The following EML6 variants were observed in gnomAD, a reference collection of about 807,000 sequenced individuals.
EML6 encodes the protein EMAP like 6.
Under a neutral mutation model 240.1 loss-of-function variants are expected in EML6, and 154 were observed. That is an observed-to-expected ratio of 0.64 (90% CI 0.56 to 0.73). The LOEUF (loss-of-function observed/expected upper bound fraction) is 0.73, where lower values mean the gene tolerates loss of function less well. EML6 is among the 30% of genes least tolerant of loss of function. EML6 has a pLI of 0.00. For synonymous variants in EML6, 1,148 were observed against 899.0 expected (o/e 1.28, Z -4.95); for missense variants, 2,964 against 2,474.6 (o/e 1.20, Z -4.20).
At chr2:54,885,220 G>A (rs976254941) in intron 17 of EML6, among the ~76,000 whole-genome samples, 6 of 151,990 alleles carry the variant, frequency 3.9e-5, no homozygotes, top group Non-Finnish European at 4.4e-5. Flanking sequence ...TGAGGCGGGC[G>A]GATCACCTCA....
chr2:54,783,115 A>G (rs538983503), intron 2 of EML6, among the ~76,000 whole-genome samples: 230 of 152,362 alleles, frequency 1.5e-3, no homozygotes, highest in Middle Eastern at 0.014. Flanking sequence ...ATCAGTAAAT[A>G]ATAACTAATA....
rs149545041 is a variant in EML6, at chr2:54,914,419, A to G, written c.3499-2340A>G. ...TTTAGTGCCCCCAAATAAGTATACT[A>G]AAATGAAATGTAATTTAACCAAATG... On this transcript the variant is annotated intron_variant, in intron 25 of 41. Transcript: ENST00000356458. Among the ~76,000 whole-genome samples the G allele has an allele frequency of 7.1e-3, 1,080 of 152,334 alleles. 6 individuals are homozygous for G. Among genetic ancestry groups the G allele is most frequent in the Non-Finnish European group, 0.012 (807 of 68,026 alleles).
rs923366564 is a variant in EML6, at chr2:54,768,819, G to GT, written c.197+43571dup. On this transcript the variant is annotated intron_variant, in intron 2 of 41. Coordinates refer to ENST00000356458, the MANE Select transcript of EML6 (RefSeq NM_001039753.4). ...AATATATATAAATTTTCTACTCAAA[G>GT]TTTTTTTTTTAGAAAATAAATGGGA... Among the ~76,000 whole-genome samples the GT allele has an allele frequency of 2.8e-4, 41 of 147,878 alleles. 1 individual carries two copies. The highest frequency in any genetic ancestry group is 6.7e-4 in the Admixed American group (10 of 14,856).
intron 35 of EML6, among the ~76,000 whole-genome samples, chr2:54,961,184 G>GTTGTTGTTTTTTTTTTTTTTTTTTT: frequency 1.3e-4 from 7 of 55,422 alleles, no homozygotes; most frequent in African/African-American, 2.4e-4. Flanking sequence ...TCAGGAAGTA[G>GTTGTTGTTTTTTTTTTTTTTTTTTT]TTTTTTTTTT....
At chr2:54,957,668 G>T in intron 32 of EML6, 122 bp from the exon 33 acceptor site, 1 of 812,622 alleles carries the variant, frequency 1.2e-6, no homozygotes, top group Non-Finnish European at 2.0e-6. Context: ...GGGAGAGAGT[G>T]CTGTAAAGAA....
chr2:54,762,596 T>C (rs1668025342), intron 2 of EML6, among the ~76,000 whole-genome samples: 1 of 152,188 alleles, frequency 6.6e-6, no homozygotes, highest in Non-Finnish European at 1.5e-5. Context: ...CTTCCATATT[T>C]ATTAGTTGAC....
At chr2:54,886,127 C>T (rs1033452931) in intron 17 of EML6, among the ~76,000 whole-genome samples, 4 of 149,486 alleles carry the variant, frequency 2.7e-5, no homozygotes, top group Non-Finnish European at 4.4e-5. Flanking sequence ...CTACACATTG[C>T]ACAAATGTTT....
intron 2 of EML6, among the ~76,000 whole-genome samples, chr2:54,806,183 G>A (rs113610181): frequency 1.6e-3 from 241 of 151,840 alleles, no homozygotes; most frequent in Middle Eastern, 0.014. Context: ...TTCTCCTTAG[G>A]GAGGCATCTT....
At chr2:54,832,170 G>A (rs1022896221) in intron 7 of EML6, among the ~76,000 whole-genome samples, 2 of 152,136 alleles carry the variant, frequency 1.3e-5, no homozygotes, top group Non-Finnish European at 2.9e-5. Context: ...AAGAAGAAAG[G>A]CTCCTGGTTT....
chr2:54,887,118 C>A (rs1164920027), intron 17 of EML6, among the ~76,000 whole-genome samples: 1 of 152,178 alleles, frequency 6.6e-6, no homozygotes, highest in East Asian at 1.9e-4. Flanking sequence ...CACTACTGCC[C>A]AGAACATCTA....
intron 2 of EML6, among the ~76,000 whole-genome samples, chr2:54,804,653 CTTTGTA>C (rs1282559845): frequency 2.6e-5 from 4 of 152,160 alleles, no homozygotes; most frequent in East Asian, 1.9e-4. Flanking sequence ...TTGTTTTAAT[CTTTGTA>C]TTTGTATCAG....
chr2:54,794,729 C>G (rs1288215261), intron 2 of EML6, among the ~76,000 whole-genome samples: 2 of 152,168 alleles, frequency 1.3e-5, no homozygotes, highest in Non-Finnish European at 2.9e-5. Flanking sequence ...TAAAAAGGTC[C>G]TAAGCATTCT....
At chr2:54,886,814 T>C (rs761822034) in intron 17 of EML6, among the ~76,000 whole-genome samples, 10 of 152,228 alleles carry the variant, frequency 6.6e-5, no homozygotes, top group African/African-American at 1.4e-4. Flanking sequence ...TTATCAGATA[T>C]ATGATTTGCA....
chr2:54,725,295 G>T lies in EML6; in HGVS notation c.197+37G>T. On this transcript the variant is annotated intron_variant, in intron 2 of 41. Coordinates refer to ENST00000356458, the MANE Select transcript of EML6 (RefSeq NM_001039753.4). This position sits in a 1 kb window ranked among gnomAD's most constrained non-coding sequence, Gnocchi z 4.3. ...GCCAGGGGCGGCGGGGAGGGGTTGC[G>T]TGTGGAGGCTGGGAAGGTGGGAAGC... The T allele has an allele frequency of 7.3e-7, 1 of 1,375,426 alleles. No individual in the cohort carries two copies. The highest frequency in any genetic ancestry group is 9.6e-7 in the Non-Finnish European group (1 of 1,047,004). The allele number at this position is 1,375,426 out of a possible 1,614,324, so 85.2% of individuals were successfully genotyped here.
chr2:54,741,906 G>A (rs1304722422), intron 2 of EML6, among the ~76,000 whole-genome samples: 1 of 152,152 alleles, frequency 6.6e-6, no homozygotes, highest in Admixed American at 6.5e-5. Context: ...ACCAATGGAT[G>A]CTATAACTAG....
chr2:54,887,476 G>A (rs1672211156), intron 17 of EML6, among the ~76,000 whole-genome samples: 1 of 151,988 alleles, frequency 6.6e-6, no homozygotes, highest in African/African-American at 2.4e-5. Context: ...TTCATCCTTT[G>A]AATTTGCTGT....
At chr2:54,962,472 T>G in intron 35 of EML6, 51 bp from the exon 36 acceptor site, 6 of 1,364,882 alleles carry the variant, frequency 4.4e-6, no homozygotes, top group Non-Finnish European at 6.0e-6. Context: ...CTCATATGAG[T>G]GCAGTCATAC....
rs538176157 is a variant in EML6 at position 54,795,568 on chromosome 2, G to A, written c.198-17664G>A. On this transcript the variant is annotated intron_variant, in intron 2 of 41. Transcript: ENST00000356458. ...TAGGGACCAATTTAAAAAGCATGGT[G>A]TAGCATCCTGCCACTGCCAGCAAGG... is the stretch of plus-strand genomic sequence containing the variant. Among the ~76,000 whole-genome samples the A allele has an allele frequency of 3.2e-4, 49 of 152,300 alleles. No homozygotes were observed. The South Asian group carries it at 0.01, about 32-fold the overall frequency.
At chr2:54,776,285 C>A (rs894528176) in intron 2 of EML6, among the ~76,000 whole-genome samples, 4 of 152,100 alleles carry the variant, frequency 2.6e-5, no homozygotes, top group Non-Finnish European at 2.9e-5. Flanking sequence ...TATATTCTCT[C>A]CCTTGTCAAG....
Sources: gnomAD v4.1 joint callset for allele counts (sites outside exome capture counted in the v4.1 genomes callset) on GRCh38, gnomAD v4.1.1 for gene constraint, Gnocchi (gnomAD v3.1) non-coding constraint, MANE v1.5 for transcripts, NCBI Gene and HGNC (gene_info 2026-07-23, HGNC 2026-07-21) for gene names.